Variants in EYS observed in about 807,000 individuals in gnomAD.
EYS encodes the protein protein eyes shut homolog.
A neutral mutation model predicts 282.1 loss-of-function variants in EYS; 250 were observed. That is an observed-to-expected ratio of 0.89 (90% CI 0.80 to 0.98). The LOEUF is 0.98. Ranked by LOEUF, EYS falls within the 50% of genes least tolerant of loss-of-function variation. The probability of loss-of-function intolerance (pLI) is 0.00; values close to 1 mark genes in which losing one functional copy is unlikely to be tolerated. For synonymous variants in EYS, 1,355 were observed against 1,282.9 expected (o/e 1.06, Z -1.20); for missense variants, 4,016 against 3,709.0 (o/e 1.08, Z -2.15).
intron 2 of EYS, among the ~76,000 whole-genome samples, chr6:65,510,038 T>C (rs1456581297): frequency 6.6e-6 from 1 of 152,026 alleles, no homozygotes; most frequent in Admixed American, 6.6e-5. Flanking sequence ...ATTATTATTA[T>C]ACTTTAAGTT....
At chr6:65,661,164 A>G (rs1294219940) in intron 1 of EYS, among the ~76,000 whole-genome samples, 1 of 151,896 alleles carries the variant, frequency 6.6e-6, no homozygotes, top group Non-Finnish European at 1.5e-5. Flanking sequence ...GAATGTTTAG[A>G]TCCTTTCTGA....
Position 64,367,928 on chromosome 6 carries a change from G to A in EYS, c.6078+20762C>T, listed in dbSNP as rs575333185. 5.5e-4 allele frequency among the ~76,000 whole-genome samples: 84 copies of A among 152,218 alleles called. 1 individual carries two copies. The highest frequency in any genetic ancestry group is 2.0e-3 in the Admixed American group (30 of 15,276). On this transcript the variant is annotated intron_variant, in intron 29 of 42. Transcript: ENST00000503581. Reference sequence around the variant, plus strand: ...ATTTGAGCCTAGACACAAGGAGCCTGACATCTTCTACTTTTGTTTAACTTT... The same window carrying A: ...ATTTGAGCCTAGACACAAGGAGCCTAACATCTTCTACTTTTGTTTAACTTT...
At chr6:65,475,239 A>C (rs185847388) in intron 5 of EYS, among the ~76,000 whole-genome samples, 1 of 152,234 alleles carries the variant, frequency 6.6e-6, no homozygotes. Flanking sequence ...CATTGTACAG[A>C]GTTCAAAACA....
At chr6:65,392,635 C>A (rs1226765305) in intron 7 of EYS, among the ~76,000 whole-genome samples, 1 of 152,124 alleles carries the variant, frequency 6.6e-6, no homozygotes, top group African/African-American at 2.4e-5. Context: ...CCATCTCACA[C>A]CAGTTAGAAT....
chr6:64,907,213 ACTG>A (rs1767856862), intron 16 of EYS, among the ~76,000 whole-genome samples: 1 of 151,998 alleles, frequency 6.6e-6, no homozygotes, highest in African/African-American at 2.4e-5. Flanking sequence ...ACCACCACGC[ACTG>A]CTAATTTTTT....
intron 24 of EYS, among the ~76,000 whole-genome samples, chr6:64,610,712 G>A (rs1387583087): frequency 2.0e-5 from 3 of 152,086 alleles, no homozygotes; most frequent in African/African-American, 7.2e-5. Context: ...CAAGTTGTAA[G>A]ACATTTAGAT....
intron 35 of EYS, among the ~76,000 whole-genome samples, chr6:63,961,188 G>A (rs1766041340): frequency 6.6e-6 from 1 of 152,174 alleles, no homozygotes; most frequent in Non-Finnish European, 1.5e-5. Context: ...CAAAGATGGT[G>A]GAAGGTGTCA....
chr6:63,731,968 A>AG lies in EYS; in HGVS notation c.8072-5289dup, dbSNP rs370714165. 3.9e-4 allele frequency among the ~76,000 whole-genome samples: 60 copies of AG among 151,960 alleles called. No individual in the cohort carries two copies. The East Asian group carries it at 8.9e-3, about 23-fold the overall frequency. On this transcript the variant is annotated intron_variant, in intron 41 of 42. Coordinates refer to ENST00000503581, the MANE Select transcript of EYS (RefSeq NM_001142800.2). ...CCTTTGGCTGGATTTAACATCTGGG[A>AG]GGGGGGGTCTCAAGAATGGAAGAGT...
At chr6:65,475,625 G>A (rs1765372876) in intron 5 of EYS, among the ~76,000 whole-genome samples, 1 of 151,982 alleles carries the variant, frequency 6.6e-6, no homozygotes, top group South Asian at 2.1e-4. Flanking sequence ...GATTTACTCA[G>A]AAAGTCATTG....
At chr6:64,766,649 A>AAAAAATATATATATATATATAT (rs1387919586) in intron 22 of EYS, among the ~76,000 whole-genome samples, 1 of 19,064 alleles carries the variant, frequency 5.2e-5, no homozygotes, top group Admixed American at 9.6e-4. Context: ...AAAAAAAAAA[A>AAAAAATATATATATATATATAT]ATATATATAT....
chr6:63,906,519 A>G (rs1379845398), intron 35 of EYS, among the ~76,000 whole-genome samples: 1 of 152,202 alleles, frequency 6.6e-6, no homozygotes, highest in Non-Finnish European at 1.5e-5. Flanking sequence ...AAATACATAC[A>G]TTTTAGATTT....
intron 31 of EYS, among the ~76,000 whole-genome samples, chr6:64,154,990 T>C (rs1774869054): frequency 6.6e-6 from 1 of 152,180 alleles, no homozygotes; most frequent in Non-Finnish European, 1.5e-5. Flanking sequence ...AGCAAGCATA[T>C]TTCCATAGTA....
chr6:65,336,963 T>G (rs974384542), intron 10 of EYS, among the ~76,000 whole-genome samples: 3 of 151,492 alleles, frequency 2.0e-5, no homozygotes, highest in East Asian at 1.9e-4. Flanking sequence ...CAATAGAATT[T>G]TACTATCTTT....
At chr6:64,193,116 C>A (rs941196191) in intron 31 of EYS, among the ~76,000 whole-genome samples, 1 of 152,090 alleles carries the variant, frequency 6.6e-6, no homozygotes, top group Admixed American at 6.5e-5. Context: ...AAATTTCTTT[C>A]TTCCATATAA....
chr6:65,495,140 A>G lies in EYS; in HGVS notation c.271T>C (p.Ser91Pro). ...QIQLGDILVI[S>P]SEPSLQFPEI... ...GGAAATTGAAGAGATGGTTCAGAAGAAATTACAAGGATATCTCCTAATTGA... is the reference window on the plus strand; with the variant it reads ...GGAAATTGAAGAGATGGTTCAGAAGGAATTACAAGGATATCTCCTAATTGA... The change falls in exon 4 of 43, where the codon TCT becomes CCT. Residue 91 changes from serine (S) to proline (P), a missense_variant. Ser to Pro is a moderately conservative substitution (Grantham distance 74). Coordinates refer to ENST00000503581, the MANE Select transcript of EYS (RefSeq NM_001142800.2). 6.2e-7 allele frequency: 1 copy of G among 1,614,060 alleles called. No homozygotes were observed. Among genetic ancestry groups the G allele is most frequent in the Non-Finnish European group, 8.5e-7 (1 of 1,179,954 alleles).
intron 26 of EYS, among the ~76,000 whole-genome samples, chr6:64,456,614 T>A (rs1775566045): frequency 6.6e-6 from 1 of 152,000 alleles, no homozygotes; most frequent in African/African-American, 2.4e-5. Context: ...GAAGAAAACA[T>A]TTTCTTGTAA....
intron 10 of EYS, among the ~76,000 whole-genome samples, chr6:65,339,247 G>A (rs1459538737): frequency 2.0e-5 from 3 of 151,118 alleles, no homozygotes; most frequent in Non-Finnish European, 4.4e-5. Flanking sequence ...TATTGAAATA[G>A]GGGAGAGAAA....
At chr6:63,928,159 G>A (rs948198621) in intron 35 of EYS, among the ~76,000 whole-genome samples, 3 of 152,164 alleles carry the variant, frequency 2.0e-5, no homozygotes, top group African/African-American at 7.2e-5. Context: ...AACATTTAAA[G>A]TGCTAGACAA....
chr6:65,128,020 T>C (rs1258103155), intron 12 of EYS, among the ~76,000 whole-genome samples: 6 of 151,990 alleles, frequency 3.9e-5, no homozygotes, highest in African/African-American at 7.2e-5. Context: ...ATGGAAGCAA[T>C]TGTCTTTCTG....
Sources: allele counts gnomAD v4.1 joint callset (sites outside exome capture counted in the v4.1 genomes callset), GRCh38; gene constraint gnomAD v4.1.1; transcripts MANE v1.5; gene names NCBI Gene and HGNC (gene_info 2026-07-23, HGNC 2026-07-21).